The following GPC5 variants were observed in gnomAD, a reference collection of about 807,000 sequenced individuals.
GPC5 encodes glypican-5.
In GPC5, 47 loss-of-function variants were observed where a neutral mutation model predicts 53.9. The ratio of observed to expected loss-of-function variants is 0.87; its 90% CI spans 0.69 to 1.11. GPC5 has a LOEUF of 1.11. Among genes scored for constraint, GPC5 ranks in the 50% most tolerant of loss-of-function variants. The pLI is 0.00. For synonymous variants in GPC5, 286 were observed against 263.3 expected (o/e 1.09, Z -0.84); for missense variants, 748 against 713.1 (o/e 1.05, Z -0.56).
At chr13:92,533,321 A>G (rs1414370083) in intron 7 of GPC5, among the ~76,000 whole-genome samples, 1 of 152,160 alleles carries the variant, frequency 6.6e-6, no homozygotes. Flanking sequence ...GCTAGCAAGC[A>G]TATCTTGATA....
At chr13:91,446,601 C>T in intron 1 of GPC5, among the ~76,000 whole-genome samples, 1 of 152,086 alleles carries the variant, frequency 6.6e-6, no homozygotes, top group East Asian at 1.9e-4. Context: ...TCTTATGATG[C>T]CTGTTCTATT....
At chr13:91,843,579 T>C (rs370427203) in intron 5 of GPC5, among the ~76,000 whole-genome samples, 15 of 152,190 alleles carry the variant, frequency 9.9e-5, no homozygotes, top group African/African-American at 2.7e-4. Flanking sequence ...GATACTGTTT[T>C]AAAACAACTG....
At chr13:91,409,264 G>A (rs1450628494) in intron 1 of GPC5, among the ~76,000 whole-genome samples, 2 of 151,902 alleles carry the variant, frequency 1.3e-5, no homozygotes, top group Non-Finnish European at 2.9e-5. Context: ...TACTCTAGGG[G>A]GAAAAAAGTC....
chr13:91,731,409 C>T (rs1045802118), intron 4 of GPC5, among the ~76,000 whole-genome samples: 1 of 152,122 alleles, frequency 6.6e-6, no homozygotes, highest in African/African-American at 2.4e-5. Flanking sequence ...AGCAATTCCA[C>T]AGGGATATGA....
intron 7 of GPC5, among the ~76,000 whole-genome samples, chr13:92,390,538 A>G (rs1874947257): frequency 6.6e-6 from 1 of 152,152 alleles, no homozygotes; most frequent in Admixed American, 6.6e-5. Context: ...GTTTGTGGTC[A>G]AGCGAGTTTA....
intron 6 of GPC5, among the ~76,000 whole-genome samples, chr13:92,101,168 G>A (rs924519060): frequency 1.3e-5 from 2 of 152,142 alleles, no homozygotes; most frequent in Non-Finnish European, 2.9e-5. Flanking sequence ...ATGAATTAAC[G>A]AATTTGAAAT....
At chr13:92,621,551 T>G (rs1884868186) in intron 7 of GPC5, among the ~76,000 whole-genome samples, 1 of 152,286 alleles carries the variant, frequency 6.6e-6, no homozygotes, top group South Asian at 2.1e-4. Context: ...CCAAGCACAG[T>G]AGCTCACACC....
At chr13:91,491,259 A>G (rs1321510991) in intron 2 of GPC5, among the ~76,000 whole-genome samples, 2 of 152,124 alleles carry the variant, frequency 1.3e-5, no homozygotes, top group Non-Finnish European at 2.9e-5. Flanking sequence ...ACTTCATATT[A>G]TTATGAATTA....
chr13:91,779,064 G>C (rs192244684), intron 5 of GPC5, among the ~76,000 whole-genome samples: 61 of 152,332 alleles, frequency 4.0e-4, no homozygotes, highest in African/African-American at 1.4e-3. Context: ...GGAGCTTGCA[G>C]GATTGGAAGT....
At chr13:92,119,919 T>G (rs2041635044) in intron 6 of GPC5, among the ~76,000 whole-genome samples, 1 of 152,008 alleles carries the variant, frequency 6.6e-6, no homozygotes, top group South Asian at 2.1e-4. Context: ...AAGCACTGGG[T>G]CTATATTTAT....
intron 7 of GPC5, among the ~76,000 whole-genome samples, chr13:92,510,367 T>G (rs570618578): frequency 6.6e-6 from 1 of 152,228 alleles, no homozygotes; most frequent in Non-Finnish European, 1.5e-5. Flanking sequence ...TGCCAGTGGG[T>G]TAGAATAAAA....
intron 5 of GPC5, among the ~76,000 whole-genome samples, chr13:91,777,755 A>C (rs566057107): frequency 2.6e-5 from 4 of 152,022 alleles, no homozygotes; most frequent in Non-Finnish European, 5.9e-5. Context: ...CTGAACCTAC[A>C]CTTCTTGCTA....
At chr13:92,431,861 A>G (rs552316662) in intron 7 of GPC5, among the ~76,000 whole-genome samples, 9 of 152,146 alleles carry the variant, frequency 5.9e-5, no homozygotes, top group Non-Finnish European at 8.8e-5. Context: ...ATGAGGCGAG[A>G]GTTGGTGAAA....
At chr13:92,640,731 G>A (rs935350023) in intron 7 of GPC5, among the ~76,000 whole-genome samples, 15 of 152,068 alleles carry the variant, frequency 9.9e-5, no homozygotes, top group African/African-American at 3.4e-4. Flanking sequence ...AAAGAAATAG[G>A]CAATAGCTTG....
intron 2 of GPC5, among the ~76,000 whole-genome samples, chr13:91,687,712 G>A (rs1481048488): frequency 2.0e-5 from 3 of 152,086 alleles, no homozygotes; most frequent in South Asian, 4.1e-4. Context: ...AGAAGAGCTT[G>A]TTGAAATTCT....
chr13:92,804,250 C>T (rs1042682786), intron 7 of GPC5, among the ~76,000 whole-genome samples: 3 of 151,810 alleles, frequency 2.0e-5, no homozygotes, highest in Non-Finnish European at 4.4e-5. Context: ...CAGCAAGCAC[C>T]GTGGTAATAA....
chr13:92,750,479 G>A (rs1240541794), intron 7 of GPC5, among the ~76,000 whole-genome samples: 1 of 152,044 alleles, frequency 6.6e-6, no homozygotes, highest in Admixed American at 6.6e-5. Flanking sequence ...GGCAGAAAAA[G>A]GAGAAAATGA....
In GPC5 at chr13:92,825,555, A is replaced by G. The variant is rs149912359; in HGVS notation, c.1562-40727A>G. Among the ~76,000 whole-genome samples the G allele has an allele frequency of 2.4e-3, 370 of 152,280 alleles. 2 individuals are homozygous for G. The highest frequency in any genetic ancestry group is 8.7e-3 in the African/African-American group (361 of 41,556). ...GAATATATATCACTGCATATGCTGC[A>G]TAACATGAATTACATACTTGTCAGG... On this transcript the variant is annotated intron_variant, in intron 7 of 7. Transcript: ENST00000377067.
chr13:92,377,974 T>A (rs1371703422), intron 7 of GPC5, among the ~76,000 whole-genome samples: 1 of 152,218 alleles, frequency 6.6e-6, no homozygotes, highest in Non-Finnish European at 1.5e-5. Context: ...GGAGGTTGAA[T>A]CTCTTCCATG....
Sources: gnomAD v4.1 joint callset for allele counts (sites outside exome capture counted in the v4.1 genomes callset) on GRCh38, gnomAD v4.1.1 for gene constraint, MANE v1.5 for transcripts, NCBI Gene and HGNC (gene_info 2026-07-23, HGNC 2026-07-21) for gene names.